DSCAM: variants seen among roughly 807,000 people sequenced by gnomAD.
DSCAM encodes the protein DS cell adhesion molecule.
Under a neutral mutation model 217.7 loss-of-function variants are expected in DSCAM, and 47 were observed. The ratio of observed to expected loss-of-function variants is 0.22; its 90% CI spans 0.17 to 0.28. The LOEUF is 0.28. Among genes scored for constraint, DSCAM ranks in the 10% least tolerant of loss-of-function variants. The pLI is 1.00. For missense variants in DSCAM, 2,080 were observed against 2,618.3 expected (o/e 0.79, Z 4.49); for synonymous variants, 1,056 against 1,015.3 (o/e 1.04, Z -0.76).
At chr21:40,409,069 G>T (rs1236524046) in intron 3 of DSCAM, among the ~76,000 whole-genome samples, 1 of 152,068 alleles carries the variant, frequency 6.6e-6, no homozygotes, top group Admixed American at 6.6e-5. Flanking sequence ...AAACCATTAA[G>T]CCTAAAGAAT....
chr21:40,308,674 A>G (rs1466992752), intron 9 of DSCAM, among the ~76,000 whole-genome samples: 1 of 152,168 alleles, frequency 6.6e-6, no homozygotes, highest in Non-Finnish European at 1.5e-5. Context: ...AAAGTACCCC[A>G]AGCAGCTATC....
At chr21:40,806,080 C>G (rs978313164) in intron 1 of DSCAM, among the ~76,000 whole-genome samples, 1 of 152,202 alleles carries the variant, frequency 6.6e-6, no homozygotes, top group African/African-American at 2.4e-5. Context: ...CCCCTGCCTG[C>G]TACACCTCAG....
At chr21:40,696,222 TG>T (rs138483201) in intron 2 of DSCAM, among the ~76,000 whole-genome samples, 2,441 of 152,262 alleles carry the variant, frequency 0.016, 56 homozygotes, top group African/African-American at 0.056. Context: ...GACAGCACTG[TG>T]GTGCTCTGAA....
chr21:40,448,491 AC>A (rs1170164569), intron 3 of DSCAM, among the ~76,000 whole-genome samples: 3 of 151,924 alleles, frequency 2.0e-5, no homozygotes, highest in Non-Finnish European at 4.4e-5. Flanking sequence ...AAATCTTGAG[AC>A]TCAGGCTGAC....
At chr21:40,339,080 G>A (rs375326186) in intron 7 of DSCAM, 39 bp downstream of exon 7, 4 of 1,606,692 alleles carry the variant, frequency 2.5e-6, no homozygotes, top group Non-Finnish European at 3.4e-6. Context: ...ACTATAATGA[G>A]TTATGTGTGT....
rs775786889 is a variant in DSCAM at position 40,144,447 on chromosome 21, C to A, written c.3259+44G>T. 2 of 1,608,582 alleles carry A rather than the reference C, an allele frequency of 1.2e-6. No individual in the cohort carries two copies. The highest frequency in any genetic ancestry group is 1.1e-5 in the South Asian group (1 of 90,636). On this transcript the variant is annotated intron_variant, in intron 17 of 32. Transcript: ENST00000400454. The surrounding 1 kb of genome is among the most constrained non-coding windows in gnomAD (Gnocchi z 4.8). The stretch of plus-strand genomic sequence containing the variant: ...AGCCCCGGGGCAGACCCGAGGGAAC[C>A]TTTGCGGAGGGAAAAGCCACGACCA...
chr21:40,834,297 C>G (rs1467909291), intron 1 of DSCAM, among the ~76,000 whole-genome samples: 1 of 151,600 alleles, frequency 6.6e-6, no homozygotes, highest in African/African-American at 2.4e-5. Flanking sequence ...GTCCCAGCTA[C>G]TCGCCAGGCT....
At chr21:40,765,403 C>G (rs900502769) in intron 1 of DSCAM, among the ~76,000 whole-genome samples, 13 of 152,168 alleles carry the variant, frequency 8.5e-5, no homozygotes, top group African/African-American at 2.7e-4. Flanking sequence ...TCAGACTTAG[C>G]ACTTCCTCCA....
At chr21:40,063,245 G>A (rs74728842) in intron 27 of DSCAM, among the ~76,000 whole-genome samples, 3,752 of 152,030 alleles carry the variant, frequency 0.025, 68 homozygotes, top group Non-Finnish European at 0.038. Context: ...TATCATTTAC[G>A]TTGAACAAAC....
intron 18 of DSCAM, among the ~76,000 whole-genome samples, chr21:40,136,512 T>C (rs1174029199): frequency 6.6e-6 from 1 of 152,158 alleles, no homozygotes; most frequent in African/African-American, 2.4e-5. Context: ...CATATGCTAA[T>C]GGACAAACTT....
At chr21:40,648,929 G>C (rs1340046438) in intron 3 of DSCAM, among the ~76,000 whole-genome samples, 1 of 152,160 alleles carries the variant, frequency 6.6e-6, no homozygotes, top group Non-Finnish European at 1.5e-5. Context: ...GCCAAACATG[G>C]GTACAAGCTA....
At chr21:40,182,239 T>C (rs2090812294) in intron 14 of DSCAM, among the ~76,000 whole-genome samples, 1 of 152,022 alleles carries the variant, frequency 6.6e-6, no homozygotes, top group Non-Finnish European at 1.5e-5. Context: ...CCCTTCATGT[T>C]GGTGAATAGG....
intron 2 of DSCAM, among the ~76,000 whole-genome samples, chr21:40,705,148 C>G (rs1239988241): frequency 6.6e-6 from 1 of 152,198 alleles, no homozygotes; most frequent in East Asian, 1.9e-4. Flanking sequence ...TCAGAGGAGC[C>G]TTTCCAAAGT....
chr21:40,387,482 T>G (rs1017246063), intron 3 of DSCAM, among the ~76,000 whole-genome samples: 4 of 152,200 alleles, frequency 2.6e-5, no homozygotes, highest in Admixed American at 1.3e-4. Context: ...GTAGTCTCAC[T>G]GTCTCCAGGG....
At chr21:40,490,630 G>A (rs2146010757) in intron 3 of DSCAM, among the ~76,000 whole-genome samples, 1 of 152,274 alleles carries the variant, frequency 6.6e-6, no homozygotes, top group African/African-American at 2.4e-5. Flanking sequence ...ACGTCACAAA[G>A]AGGTTGTCTA....
At chr21:40,520,483 C>T (rs2076350112) in intron 3 of DSCAM, among the ~76,000 whole-genome samples, 1 of 151,958 alleles carries the variant, frequency 6.6e-6, no homozygotes, top group South Asian at 2.1e-4. Flanking sequence ...GGAAATAAAA[C>T]ACAAACACTA....
intron 1 of DSCAM, among the ~76,000 whole-genome samples, chr21:40,838,299 T>C (rs1400497586): frequency 6.6e-6 from 1 of 152,228 alleles, no homozygotes; most frequent in Non-Finnish European, 1.5e-5. Context: ...GAGAGTCCAC[T>C]GCAATCACCC....
chr21:40,193,775 A>G (rs1017052711), intron 11 of DSCAM, among the ~76,000 whole-genome samples: 3 of 152,214 alleles, frequency 2.0e-5, no homozygotes, highest in African/African-American at 7.2e-5. Flanking sequence ...ATAAAAACAG[A>G]CAGTTTTCCT....
chr21:40,218,274 GT>G (rs2091261281), intron 11 of DSCAM, among the ~76,000 whole-genome samples: 1 of 152,044 alleles, frequency 6.6e-6, no homozygotes, highest in African/African-American at 2.4e-5. Context: ...GCTTGTTTTT[GT>G]CAGCTTTATC....
Sources: allele counts gnomAD v4.1 joint callset (sites outside exome capture counted in the v4.1 genomes callset), GRCh38; gene constraint gnomAD v4.1.1; non-coding constraint Gnocchi (gnomAD v3.1); transcripts MANE v1.5; gene names NCBI Gene and HGNC (gene_info 2026-07-23, HGNC 2026-07-21).